Variants in SOX6 observed in about 807,000 individuals in gnomAD.
The protein encoded by SOX6 is transcription factor SOX-6.
In SOX6, 11 loss-of-function variants were observed where a neutral mutation model predicts 97.8. The ratio of observed to expected loss-of-function variants is 0.11; its 90% CI spans 0.07 to 0.19. The LOEUF (loss-of-function observed/expected upper bound fraction) is 0.19. Among genes scored for constraint, SOX6 ranks in the 10% least tolerant of loss-of-function variants. The probability of loss-of-function intolerance (pLI) is 1.00; values close to 1 mark genes in which losing one functional copy is unlikely to be tolerated. For synonymous variants in SOX6, 360 were observed against 371.4 expected, an observed-to-expected ratio of 0.97 and a Z score of 0.35; for missense variants, 810 against 1,039.5, an observed-to-expected ratio of 0.78 and a Z score of 3.04.
intron 3 of SOX6, among the ~76,000 whole-genome samples, chr11:16,304,643 C>A (rs1855367587): frequency 6.6e-6 from 1 of 152,088 alleles, no homozygotes; most frequent in South Asian, 2.1e-4. Flanking sequence ...AGGTTCATTG[C>A]TATTGTATAG....
chr11:16,207,677 C>G (rs1852112295), intron 4 of SOX6, among the ~76,000 whole-genome samples: 1 of 150,588 alleles, frequency 6.6e-6, no homozygotes, highest in Non-Finnish European at 1.5e-5. Context: ...CTAGATTTTA[C>G]AGGTTAGTGA....
chr11:16,695,052 G>T (rs532638842), intron 3 of SOX6, among the ~76,000 whole-genome samples: 17 of 152,186 alleles, frequency 1.1e-4, no homozygotes, highest in Non-Finnish European at 2.4e-4. Flanking sequence ...TGTGGGTTTT[G>T]GTATCCACAG....
At chr11:16,074,125 A>G (rs1323603108) in intron 9 of SOX6, among the ~76,000 whole-genome samples, 2 of 152,198 alleles carry the variant, frequency 1.3e-5, no homozygotes, top group African/African-American at 4.8e-5. Context: ...GGAAACTGAG[A>G]TGCAAAAAAC....
intron 9 of SOX6, among the ~76,000 whole-genome samples, chr11:16,090,340 G>A (rs1427267200): frequency 6.6e-6 from 1 of 152,060 alleles, no homozygotes; most frequent in African/African-American, 2.4e-5. Flanking sequence ...GAACTTTCAG[G>A]TATTACTTTA....
At chr11:16,102,117 A>G (rs753226230) in intron 7 of SOX6, among the ~76,000 whole-genome samples, 1 of 151,812 alleles carries the variant, frequency 6.6e-6, no homozygotes, top group Non-Finnish European at 1.5e-5. Flanking sequence ...ATATGATTGT[A>G]TACCTAGAAA....
intron 4 of SOX6, among the ~76,000 whole-genome samples, chr11:16,538,337 GA>G (rs745519682): frequency 2.6e-5 from 4 of 152,160 alleles, no homozygotes; most frequent in Non-Finnish European, 4.4e-5. Context: ...ACTAAACATG[GA>G]AAGGAACAAC....
At chr11:16,454,937 T>C (rs1380410826) in intron 1 of SOX6, among the ~76,000 whole-genome samples, 7 of 152,070 alleles carry the variant, frequency 4.6e-5, no homozygotes, top group African/African-American at 7.2e-5. Context: ...TAAACTTTTT[T>C]CCCTTTAATT....
intron 4 of SOX6, among the ~76,000 whole-genome samples, chr11:16,599,288 AAG>A (rs1848243439): frequency 6.6e-6 from 1 of 152,156 alleles, no homozygotes; most frequent in African/African-American, 2.4e-5. Flanking sequence ...TGTTCGTAGA[AAG>A]AGAGCAAATA....
rs1434215853 is a variant in SOX6 at position 16,446,866 on chromosome 11, G to A, written c.-5+29449C>T. The stretch of plus-strand genomic sequence containing the variant: ...GTTTTTCTATCCAGCATTCTGGAGG[G>A]TCTGTTTTCCTTCCTTCCTTTCTTT... On this transcript the variant is annotated intron_variant, in intron 1 of 15. Transcript: ENST00000396356. 2.0e-5 allele frequency among the ~76,000 whole-genome samples: 3 copies of A among 151,726 alleles called. No individual in the cohort carries two copies. In the East Asian group the frequency reaches 5.8e-4, roughly 29 times the overall value.
rs753533498 is a variant in SOX6 at position 16,001,599 on chromosome 11, A to AT, written c.1733-12370dup. Among the ~76,000 whole-genome samples, 179 of 152,278 alleles carry AT rather than the reference A, an allele frequency of 1.2e-3. No individual in the cohort carries two copies. The Middle Eastern group carries it at 0.017, about 14-fold the overall frequency. ...AAGCCCACCATTTCTTGGCTGGAAC[A>AT]TTATTTTCCCACTTTAAGGATGCCA... is the stretch of plus-strand genomic sequence containing the variant. On this transcript the variant is annotated intron_variant, in intron 13 of 15. Transcript: ENST00000683767.
intron 4 of SOX6, among the ~76,000 whole-genome samples, chr11:16,500,221 C>T (rs1860680055): frequency 6.6e-6 from 1 of 152,142 alleles, no homozygotes; most frequent in Non-Finnish European, 1.5e-5. Context: ...AAATGATTAC[C>T]TCAATAGATG....
At chr11:16,160,722 G>T (rs560410869) in intron 6 of SOX6, among the ~76,000 whole-genome samples, 236 of 152,248 alleles carry the variant, frequency 1.6e-3, no homozygotes, top group Admixed American at 2.4e-3. Context: ...ATTCTGTTCA[G>T]ACTTCTAAAT....
intron 3 of SOX6, among the ~76,000 whole-genome samples, chr11:16,704,331 T>C (rs1848115819): frequency 6.6e-6 from 1 of 152,142 alleles, no homozygotes; most frequent in African/African-American, 2.4e-5. Flanking sequence ...CACTTACATT[T>C]CTACTGTTAA....
At chr11:16,317,766 C>T (rs1855793826) in intron 3 of SOX6, 2 of 172,686 alleles carry the variant, frequency 1.2e-5, no homozygotes, top group Non-Finnish European at 2.5e-5. Context: ...AAAATCTGTA[C>T]ATAAAAACCA....
intron 1 of SOX6, among the ~76,000 whole-genome samples, chr11:16,446,698 C>T (rs1859618391): frequency 6.6e-6 from 1 of 152,086 alleles, no homozygotes; most frequent in South Asian, 2.1e-4. Context: ...AAATTCCACT[C>T]TTCATTCATG....
chr11:16,035,267 A>G (rs1855489680), intron 12 of SOX6, among the ~76,000 whole-genome samples: 1 of 152,214 alleles, frequency 6.6e-6, no homozygotes, highest in South Asian at 2.1e-4. Context: ...TATGGGATTC[A>G]AAACAAAAAA....
At chr11:16,118,431 C>T (rs1171686734) in intron 6 of SOX6, among the ~76,000 whole-genome samples, 1 of 152,244 alleles carries the variant, frequency 6.6e-6, no homozygotes, top group East Asian at 1.9e-4. Flanking sequence ...GGTTCTGTCT[C>T]TTCCAATTCA....
At chr11:16,207,593 CAA>C (rs11337273) in intron 4 of SOX6, among the ~76,000 whole-genome samples, 68 of 129,410 alleles carry the variant, frequency 5.3e-4, no homozygotes, top group East Asian at 6.9e-4. Context: ...GACTCCATCT[CAA>C]AAAAAAAAAA....
At chr11:16,324,925 G>A (rs1438671103) in intron 2 of SOX6, among the ~76,000 whole-genome samples, 1 of 152,028 alleles carries the variant, frequency 6.6e-6, no homozygotes, top group Non-Finnish European at 1.5e-5. Context: ...TAGTGGTGAT[G>A]GGGAATAAAG....
Sources: allele counts gnomAD v4.1 joint callset (sites outside exome capture counted in the v4.1 genomes callset), GRCh38; gene constraint gnomAD v4.1.1; transcripts MANE v1.5; gene names NCBI Gene and HGNC (gene_info 2026-07-23, HGNC 2026-07-21).